Variants in ADAMTSL3 observed in about 807,000 individuals in gnomAD.
The protein encoded by ADAMTSL3 is ADAMTS like 3, also known as ADAMTS-like protein 3.
ADAMTSL3 carries 128 observed loss-of-function variants against 201.7 expected under a neutral mutation model. The ratio of observed to expected loss-of-function variants is 0.63; its 90% confidence interval spans 0.55 to 0.73. The LOEUF is 0.73. Among genes scored for constraint, ADAMTSL3 ranks in the 30% least tolerant of loss-of-function variants. The pLI, the probability that ADAMTSL3 is intolerant of heterozygous loss-of-function variation, is 0.00. For missense variants in ADAMTSL3, 1,990 were observed against 2,119.6 expected (o/e 0.94, Z 1.20); for synonymous variants, 738 against 748.4 (o/e 0.99, Z 0.23).
chr15:84,014,041 C>G (rs1036430581), intron 23 of ADAMTSL3, among the ~76,000 whole-genome samples: 1 of 152,190 alleles, frequency 6.6e-6, no homozygotes, highest in Non-Finnish European at 1.5e-5. Flanking sequence ...CTCTGTTTCC[C>G]TGGATGTTGT....
chr15:83,859,440 C>T (rs748575938), intron 8 of ADAMTSL3, among the ~76,000 whole-genome samples: 7 of 152,126 alleles, frequency 4.6e-5, no homozygotes, highest in Admixed American at 1.3e-4. Context: ...GTCTCTGTGC[C>T]GGTGGATCCA....
At chr15:84,016,952 C>T (rs550623055) in intron 25 of ADAMTSL3, among the ~76,000 whole-genome samples, 2 of 152,230 alleles carry the variant, frequency 1.3e-5, no homozygotes, top group East Asian at 3.9e-4. Context: ...GCTTATAAAA[C>T]TCTGCAGAAG....
chr15:83,748,878 G>A (rs1001721260), intron 3 of ADAMTSL3, among the ~76,000 whole-genome samples: 3 of 152,084 alleles, frequency 2.0e-5, no homozygotes, highest in Admixed American at 6.6e-5. Flanking sequence ...AGTGGGAGCC[G>A]GTATTTGGGG....
At chr15:83,821,450 G>A (rs1437645926) in intron 6 of ADAMTSL3, among the ~76,000 whole-genome samples, 1 of 151,352 alleles carries the variant, frequency 6.6e-6, no homozygotes, top group Non-Finnish European at 1.5e-5. Context: ...GACTCTTAAC[G>A]AGCATGCTGC....
chr15:83,739,384 A>G (rs887649480), intron 3 of ADAMTSL3, among the ~76,000 whole-genome samples: 3 of 150,546 alleles, frequency 2.0e-5, no homozygotes, highest in Non-Finnish European at 4.4e-5. Context: ...TGATGCCACA[A>G]TGGAAAATTC....
At chr15:83,667,905 G>A (rs1372378109) in intron 2 of ADAMTSL3, among the ~76,000 whole-genome samples, 2 of 152,068 alleles carry the variant, frequency 1.3e-5, no homozygotes, top group African/African-American at 4.8e-5. Context: ...GTAGGTTAGG[G>A]GCTCTCTTGA....
At chr15:83,967,785 C>T (rs957196481) in intron 19 of ADAMTSL3, among the ~76,000 whole-genome samples, 1 of 150,880 alleles carries the variant, frequency 6.6e-6, no homozygotes, top group African/African-American at 2.4e-5. Context: ...TCAAACTATA[C>T]TACAAGGCTA....
At chr15:83,747,758 G>T (rs1211816217) in intron 3 of ADAMTSL3, among the ~76,000 whole-genome samples, 1 of 151,940 alleles carries the variant, frequency 6.6e-6, no homozygotes, top group Non-Finnish European at 1.5e-5. Context: ...AAGACAAACC[G>T]ATGTCTCCCA....
intron 3 of ADAMTSL3, among the ~76,000 whole-genome samples, chr15:83,760,184 C>T (rs2062785580): frequency 6.6e-6 from 1 of 152,118 alleles, no homozygotes; most frequent in Non-Finnish European, 1.5e-5. Flanking sequence ...TTTAAAACTA[C>T]AGATCCCCTT....
At chr15:83,987,727 A>G (rs571578311) in intron 21 of ADAMTSL3, among the ~76,000 whole-genome samples, 7 of 152,354 alleles carry the variant, frequency 4.6e-5, no homozygotes, top group African/African-American at 1.7e-4. Context: ...GTTAAGGTTC[A>G]TTATGACTGA....
intron 9 of ADAMTSL3, among the ~76,000 whole-genome samples, chr15:83,881,989 TA>T (rs575337173): frequency 0.01 from 1,569 of 151,466 alleles, 33 homozygotes; most frequent in African/African-American, 0.036. Flanking sequence ...CTATCTCTAC[TA>T]AAAAAAATAC....
chr15:83,777,269 G>A (rs1257913083), intron 4 of ADAMTSL3, among the ~76,000 whole-genome samples: 6 of 152,208 alleles, frequency 3.9e-5, no homozygotes, highest in Admixed American at 2.0e-4. Flanking sequence ...GCACTCCACC[G>A]TAGCTGCCAC....
chr15:83,923,926 G>A lies in ADAMTSL3; in HGVS notation c.2010G>A (p.Val670=), dbSNP rs1054284319. 6.2e-7 allele frequency: 1 copy of A among 1,614,110 alleles called. No homozygotes were observed. The highest frequency in any genetic ancestry group is 8.5e-7 in the Non-Finnish European group (1 of 1,179,992). The part of the protein sequence containing the change: ...CVGGHQEAIA[V]CLHIQTQQTV... Reference sequence around the variant, plus strand: ...CAGGCCATCAAGAAGCCATAGCAGTGTGCTTACATATCCAGACCCAGCAGA... The same window carrying A: ...CAGGCCATCAAGAAGCCATAGCAGTATGCTTACATATCCAGACCCAGCAGA... The change falls in exon 17 of 30, where the codon GTG becomes GTA. Residue 670 remains valine (V), a synonymous_variant. Transcript: ENST00000286744.
At chr15:83,798,802 G>A (rs1195964541) in intron 4 of ADAMTSL3, among the ~76,000 whole-genome samples, 7 of 91,416 alleles carry the variant, frequency 7.7e-5, no homozygotes, top group South Asian at 9.9e-4. Flanking sequence ...GTGGGACTCC[G>A]TCTCAAAAAA....
chr15:84,014,465 G>T, intron 23 of ADAMTSL3, 77 bp from the exon 24 acceptor site: 1 of 1,340,930 alleles, frequency 7.5e-7, no homozygotes. Flanking sequence ...TCAAAACAGT[G>T]AATGGTATTT....
At chr15:83,961,432 T>C (rs2066967104) in intron 19 of ADAMTSL3, 1 of 152,218 alleles carries the variant, frequency 6.6e-6, no homozygotes, top group African/African-American at 2.4e-5. Flanking sequence ...TAATTCCCTT[T>C]AATAAAAGCT....
intron 6 of ADAMTSL3, among the ~76,000 whole-genome samples, chr15:83,834,852 T>G (rs2064232564): frequency 6.6e-6 from 1 of 152,204 alleles, no homozygotes; most frequent in Admixed American, 6.5e-5. Flanking sequence ...TATCTGTCAA[T>G]TAGTAGTTAA....
At chr15:84,007,317 C>G (rs1032748976) in intron 23 of ADAMTSL3, among the ~76,000 whole-genome samples, 2 of 152,084 alleles carry the variant, frequency 1.3e-5, no homozygotes, top group Admixed American at 6.6e-5. Flanking sequence ...CTAATAAAAC[C>G]GAAAAGTTCT....
rs1294192080 is a variant in ADAMTSL3, at chr15:83,983,102, GTCC to G, written c.3475_3477del (p.Ser1159del). 1.9e-6 allele frequency: 3 copies of G among 1,613,970 alleles called. No individual in the cohort carries two copies. The African/African-American group carries it at 4.0e-5, about 22-fold the overall frequency. On this transcript the variant is annotated inframe_deletion, in exon 21 of 30. Coordinates refer to ENST00000286744, the MANE Select transcript of ADAMTSL3 (RefSeq NM_207517.3). Reference sequence around the variant, plus strand: ...AGCTCAGAGGGGAAACAGGGAGTGTGTCCCAAAGCTCGCATGCAAAAAACTCAG... The same window carrying G: ...AGCTCAGAGGGGAAACAGGGAGTGTGCAAAGCTCGCATGCAAAAAACTCAG...
Sources: gnomAD v4.1 joint callset for allele counts (sites outside exome capture counted in the v4.1 genomes callset) on GRCh38, gnomAD v4.1.1 for gene constraint, MANE v1.5 for transcripts, NCBI Gene and HGNC (gene_info 2026-07-23, HGNC 2026-07-21) for gene names.